RUBCNL: variants seen among roughly 807,000 people sequenced by gnomAD.
RUBCNL encodes the protein rubicon like autophagy enhancer.
RUBCNL carries 62 observed loss-of-function variants against 69.5 expected under a neutral mutation model. The observed-to-expected ratio is 0.89, with a 90% CI of 0.73 to 1.10. The LOEUF (loss-of-function observed/expected upper bound fraction) is 1.10. Ranked by LOEUF, RUBCNL falls within the 50% of genes least tolerant of loss-of-function variation. The pLI is 0.00. For synonymous variants in RUBCNL, 291 were observed against 303.6 expected (o/e 0.96, Z 0.43); for missense variants, 768 against 798.1 (o/e 0.96, Z 0.45).
chr13:46,365,302 CAAAAAAA>C (rs34280215), intron 5 of RUBCNL, among the ~76,000 whole-genome samples: 3 of 59,458 alleles, frequency 5.0e-5, no homozygotes, highest in Non-Finnish European at 9.5e-5. Context: ...GACTCCATCT[CAAAAAAA>C]AAAAAAAAAA....
At chr13:46,369,748 A>G (rs549706275) in intron 3 of RUBCNL, among the ~76,000 whole-genome samples, 89 of 152,370 alleles carry the variant, frequency 5.8e-4, no homozygotes, top group African/African-American at 2.0e-3. Flanking sequence ...TTTCTGTGTC[A>G]AGAGCTGAGA....
At chr13:46,383,543 T>C (rs2049167519) in intron 1 of RUBCNL, among the ~76,000 whole-genome samples, 1 of 152,182 alleles carries the variant, frequency 6.6e-6, no homozygotes, top group Admixed American at 6.5e-5. Flanking sequence ...ATCATTTCCT[T>C]ATGCCTTGAT....
rs572394785 is a variant in RUBCNL at position 46,381,849 on chromosome 13, G to A, written c.-238-3844C>T. 3.9e-5 allele frequency among the ~76,000 whole-genome samples: 6 copies of A among 152,276 alleles called. No homozygotes were observed. The South Asian group carries it at 1.2e-3, about 32-fold the overall frequency. On this transcript the variant is annotated intron_variant, in intron 1 of 14. Transcript: ENST00000429979. The stretch of plus-strand genomic sequence containing the variant: ...TGCCCGCCTCGGCCTCTGTTGCTCA[G>A]GCTAGAGTGCAGTGGCATGATCATG...
chr13:46,371,137 GAAATAAATATAC>G (rs1208522759), intron 3 of RUBCNL, among the ~76,000 whole-genome samples: 3 of 152,290 alleles, frequency 2.0e-5, no homozygotes, highest in African/African-American at 7.2e-5. Flanking sequence ...CTGCTAGTGA[GAAATAAATATAC>G]AGAGAAATAG....
At chr13:46,389,578 G>A (rs796412667), upstream of RUBCNL, among the ~76,000 whole-genome samples, 22 of 152,308 alleles carry the variant, frequency 1.4e-4, 1 homozygote, top group African/African-American at 5.3e-4. The surrounding 1 kb of genome is among the most constrained non-coding windows in gnomAD (Gnocchi z 4.2). Flanking sequence ...GTGGGCTTTA[G>A]TCATCCCCTC....
intron 12 of RUBCNL, among the ~76,000 whole-genome samples, chr13:46,347,119 A>C (rs2048262654): frequency 6.6e-6 from 1 of 152,174 alleles, no homozygotes; most frequent in Admixed American, 6.5e-5. Context: ...TAGACTTTTA[A>C]TGCCTTTTCT....
At position 46,372,235 on chromosome 13, in the gene RUBCNL, C is replaced by T; in HGVS notation, c.241G>A (p.Val81Met). 1 of 1,614,030 alleles carries T rather than the reference C, an allele frequency of 6.2e-7. No individual in the cohort carries two copies. The highest frequency in any genetic ancestry group is 1.6e-4 in the Middle Eastern group (1 of 6,062). The change falls in exon 3 of 15, where the codon GTG becomes ATG. Residue 81 changes from valine (V) to methionine (M), a missense_variant. Coordinates refer to ENST00000429979, the MANE Select transcript of RUBCNL (RefSeq NM_025113.5). Reference sequence around the variant, plus strand: ...CCTGAGGGAGAGGCAGCATCTGTCACAAAATGGGTCCCACTGTTCCCTGCT... The same window carrying T: ...CCTGAGGGAGAGGCAGCATCTGTCATAAAATGGGTCCCACTGTTCCCTGCT... ...PAAGNSGTHF[V>M]TDAASPSGPS...
intron 1 of RUBCNL, among the ~76,000 whole-genome samples, chr13:46,382,647 C>T (rs1348203618): frequency 2.0e-5 from 3 of 152,194 alleles, no homozygotes; most frequent in Non-Finnish European, 2.9e-5. Context: ...ATTCTCCTTG[C>T]CTTAACCTCC....
rs980215165 is a variant in RUBCNL, at chr13:46,338,715, C to A, written c.*4670G>T. On this transcript the variant is annotated 3_prime_UTR_variant, in exon 15 of 15. Coordinates refer to ENST00000429979, the MANE Select transcript of RUBCNL (RefSeq NM_025113.5). ...CACGGCAGGACTAGAAAAGAGGGGG[C>A]AGCCCTGGGGAGAAAGAAGCCTGGA... 6.6e-6 allele frequency among the ~76,000 whole-genome samples: 1 copy of A among 151,998 alleles called. No individual in the cohort carries two copies. The highest frequency in any genetic ancestry group is 1.5e-5 in the Non-Finnish European group (1 of 67,998).
intron 2 of RUBCNL, among the ~76,000 whole-genome samples, chr13:46,377,429 A>C (rs1427778024): frequency 1.3e-5 from 2 of 152,078 alleles, no homozygotes; most frequent in Non-Finnish European, 2.9e-5. Context: ...ACGCCTGCCT[A>C]ATTTTTGTAT....
intron 13 of RUBCNL, 36 bp downstream of exon 13, chr13:46,345,411 G>T: frequency 1.3e-6 from 2 of 1,548,038 alleles, no homozygotes; most frequent in Non-Finnish European, 1.7e-6. Context: ...AGGCCCTGGT[G>T]CATCGGGAAC....
At chr13:46,347,468 A>G (rs2048271748) in intron 12 of RUBCNL, among the ~76,000 whole-genome samples, 1 of 152,158 alleles carries the variant, frequency 6.6e-6, no homozygotes, top group Non-Finnish European at 1.5e-5. Flanking sequence ...ATCCATCGGT[A>G]TGTCCTTAGG....
At position 46,343,467 on chromosome 13, in the gene RUBCNL, A is replaced by G. The variant is rs2048176704; in HGVS notation, c.1907T>C (p.Phe636Ser). ...ACACCGGGGGCACTCGGAGGACTGG[A>G]AGCACTGTTTGTGAAAGCAAGCCCT... Reference protein sequence around the residue: ...ACRACFHKQCFQSSECPRCAR... With the variant: ...ACRACFHKQCSQSSECPRCAR... Residue 636 changes from phenylalanine (F) to serine (S), a missense_variant, in exon 15 of 15, where the codon TTC (phenylalanine) becomes TCC (serine). Transcript: ENST00000429979. The G allele has an allele frequency of 6.2e-7, 1 of 1,613,810 alleles. No homozygotes were observed. Among genetic ancestry groups the G allele is most frequent in the African/African-American group, 1.3e-5 (1 of 74,898 alleles).
In RUBCNL at chr13:46,337,115, T is replaced by C. The variant is rs1424875804; in HGVS notation, c.*6270A>G. 1.3e-5 allele frequency among the ~76,000 whole-genome samples: 2 copies of C among 150,228 alleles called. No homozygotes were observed. The highest frequency in any genetic ancestry group is 2.5e-5 in the African/African-American group (1 of 40,762). On this transcript the variant is annotated 3_prime_UTR_variant, in exon 15 of 15. Coordinates refer to ENST00000429979, the MANE Select transcript of RUBCNL (RefSeq NM_025113.5). ...CCTTGTAAAACAGACCCCAGGGGGT[T>C]CTCTCTCTCTCTCTTTTCCTTTTTC... is the stretch of plus-strand genomic sequence containing the variant.
upstream of RUBCNL, chr13:46,387,353 G>A (rs1465109422): frequency 4.1e-6 from 4 of 985,410 alleles, no homozygotes; most frequent in Non-Finnish European, 4.8e-6. Flanking sequence ...AGCTCCTCAG[G>A]GAAGCAAAGC....
chr13:46,349,205 G>T, intron 12 of RUBCNL, 81 bp downstream of exon 12: 2 of 1,219,296 alleles, frequency 1.6e-6, no homozygotes, highest in Admixed American at 1.8e-5. Flanking sequence ...CCTGTGTAAT[G>T]GGGGAGCCAG....
At chr13:46,353,977 G>A (rs1474644865) in intron 10 of RUBCNL, among the ~76,000 whole-genome samples, 1 of 152,148 alleles carries the variant, frequency 6.6e-6, no homozygotes, top group African/African-American at 2.4e-5. Context: ...GCTAACTAAA[G>A]AGAATCAATA....
At chr13:46,377,104 T>G (rs1175805315) in intron 2 of RUBCNL, among the ~76,000 whole-genome samples, 1 of 152,230 alleles carries the variant, frequency 6.6e-6, no homozygotes, top group African/African-American at 2.4e-5. Context: ...CCTCATTATT[T>G]CCAAGAGAAT....
chr13:46,350,404 T>C lies in RUBCNL; in HGVS notation c.1331-53A>G, dbSNP rs2048346497. 5.4e-6 allele frequency: 7 copies of C among 1,308,372 alleles called. No homozygotes were observed. In the South Asian group the frequency reaches 6.8e-5, roughly 13 times the overall value. 81.0% of individuals were successfully genotyped at this position (1,308,372 alleles called of 1,614,324 possible). A position where few individuals can be genotyped will look rare whatever the true frequency, so the allele number is the denominator to read the frequency against. ...CACACCTGGTGCTGAAAACCTATCC[T>C]GGTATACCCCGACTTCCAATTCCTA... On this transcript the variant is annotated intron_variant, in intron 10 of 14. Transcript: ENST00000429979.
Sources: gnomAD v4.1 joint callset for allele counts (sites outside exome capture counted in the v4.1 genomes callset) on GRCh38, gnomAD v4.1.1 for gene constraint, Gnocchi (gnomAD v3.1) non-coding constraint, MANE v1.5 for transcripts, NCBI Gene and HGNC (gene_info 2026-07-23, HGNC 2026-07-21) for gene names.